ADCY8: variants seen among roughly 807,000 people sequenced by gnomAD.
The protein encoded by ADCY8 is adenylate cyclase type 8.
A neutral mutation model predicts 119.7 loss-of-function variants in ADCY8; 51 were observed. That is an observed-to-expected ratio of 0.43 (90% confidence interval 0.34 to 0.54). The LOEUF is 0.54. Among genes scored for constraint, ADCY8 ranks in the 20% least tolerant of loss-of-function variants. The probability of loss-of-function intolerance (pLI) is 0.03; values close to 1 mark genes in which losing one functional copy is unlikely to be tolerated. For missense variants in ADCY8, 1,383 were observed against 1,598.8 expected (o/e 0.87, Z 2.30); for synonymous variants, 665 against 651.0 (o/e 1.02, Z -0.33).
chr8:130,936,689 T>C (rs1820797948), intron 5 of ADCY8, among the ~76,000 whole-genome samples: 1 of 152,214 alleles, frequency 6.6e-6, no homozygotes, highest in Admixed American at 6.5e-5. Flanking sequence ...CCCAAGCACT[T>C]GGATTTGATT....
At chr8:130,784,826 C>T (rs1052336823) in intron 16 of ADCY8, among the ~76,000 whole-genome samples, 15 of 148,402 alleles carry the variant, frequency 1.0e-4, no homozygotes, top group African/African-American at 3.8e-4. Context: ...GATGAGAATT[C>T]CATTTCCCCA....
chr8:130,929,752 T>C (rs1209291053), intron 5 of ADCY8, among the ~76,000 whole-genome samples: 2 of 152,194 alleles, frequency 1.3e-5, no homozygotes, highest in Admixed American at 6.5e-5. Flanking sequence ...TCTACTATAG[T>C]TATAATATAG....
At chr8:130,847,139 A>G (rs902091270) in intron 11 of ADCY8, among the ~76,000 whole-genome samples, 9 of 151,996 alleles carry the variant, frequency 5.9e-5, no homozygotes, top group Non-Finnish European at 1.3e-4. Flanking sequence ...AGGAAAGGTG[A>G]AAAGGAAGAA....
At chr8:130,873,775 G>A (rs1339951312) in intron 8 of ADCY8, among the ~76,000 whole-genome samples, 1 of 152,098 alleles carries the variant, frequency 6.6e-6, no homozygotes, top group Non-Finnish European at 1.5e-5. Context: ...AATATTTCCA[G>A]TGTTGGGGGA....
At chr8:131,001,899 AAGAGT>A (rs1310103257) in intron 1 of ADCY8, among the ~76,000 whole-genome samples, 1 of 152,152 alleles carries the variant, frequency 6.6e-6, no homozygotes, top group Non-Finnish European at 1.5e-5. Flanking sequence ...CTGCAGGGAA[AAGAGT>A]AGAGGGGGTG....
chr8:130,904,933 G>A (rs956184245), intron 6 of ADCY8, among the ~76,000 whole-genome samples: 2 of 152,120 alleles, frequency 1.3e-5, no homozygotes, highest in Non-Finnish European at 2.9e-5. Flanking sequence ...GCAAGGTAAG[G>A]TGGTTACAAA....
chr8:130,808,325 A>G (rs1032355635), intron 14 of ADCY8, among the ~76,000 whole-genome samples: 6 of 152,124 alleles, frequency 3.9e-5, no homozygotes, highest in African/African-American at 1.4e-4. Flanking sequence ...GAATGAAGGG[A>G]TAGGGGATGG....
intron 1 of ADCY8, among the ~76,000 whole-genome samples, chr8:131,026,868 A>G (rs1014864929): frequency 1.3e-5 from 2 of 152,202 alleles, no homozygotes; most frequent in African/African-American, 2.4e-5. Flanking sequence ...GTATTATTTC[A>G]TCTCTTCAAC....
rs1357497721 is a variant in ADCY8 at position 130,989,141 on chromosome 8, A to G, written c.1110+1252T>C. On this transcript the variant is annotated intron_variant, in intron 2 of 17. Coordinates refer to ENST00000286355, the MANE Select transcript of ADCY8 (RefSeq NM_001115.3). ...ATTCCAAGGGCTATTCAGAGAAACTACTATGAGGTTCCAGAATTATTTTAG... is the reference window on the plus strand; with the variant it reads ...ATTCCAAGGGCTATTCAGAGAAACTGCTATGAGGTTCCAGAATTATTTTAG... Among the ~76,000 whole-genome samples, 7 of 152,358 alleles carry G rather than the reference A, an allele frequency of 4.6e-5. No individual in the cohort carries two copies. In the East Asian group the frequency reaches 9.6e-4, roughly 21 times the overall value.
chr8:130,826,394 A>G (rs1816668669), intron 12 of ADCY8, among the ~76,000 whole-genome samples: 1 of 152,186 alleles, frequency 6.6e-6, no homozygotes, highest in South Asian at 2.1e-4. Context: ...TAATAAACAA[A>G]TGGGGATCAA....
At chr8:130,914,848 A>T (rs1820080304) in intron 5 of ADCY8, among the ~76,000 whole-genome samples, 1 of 152,208 alleles carries the variant, frequency 6.6e-6, no homozygotes, top group South Asian at 2.1e-4. Flanking sequence ...CAGGGATGCC[A>T]CCTTCCATTC....
rs928288274 is a variant in ADCY8 at position 131,040,758 on chromosome 8, G to T, written c.-425C>A. On this transcript the variant is annotated 5_prime_UTR_variant, in exon 1 of 18. Coordinates refer to ENST00000286355, the MANE Select transcript of ADCY8 (RefSeq NM_001115.3). ...GGCGCCGTGCTTCTGCTGCGCGTCG[G>T]GCGGGTCCTGGCTGCTGCACTGGGC... 6.4e-6 allele frequency: 1 copy of T among 157,286 alleles called. No individual in the cohort carries two copies. Among genetic ancestry groups the T allele is most frequent in the Non-Finnish European group, 1.4e-5 (1 of 71,828 alleles). The allele number at this position is 157,286 out of a possible 1,614,324, so 9.7% of individuals were successfully genotyped here.
Position 130,915,317 on chromosome 8 carries a change from C to A in ADCY8, c.1482-5451G>T, listed in dbSNP as rs568241423. Among the ~76,000 whole-genome samples the A allele has an allele frequency of 1.3e-3, 191 of 152,156 alleles. 1 individual carries two copies. Among genetic ancestry groups the A allele is most frequent in the Middle Eastern group, 3.4e-3 (1 of 294 alleles). On this transcript the variant is annotated intron_variant, in intron 5 of 17. Transcript: ENST00000286355. The stretch of plus-strand genomic sequence containing the variant: ...TTCAACTTAAATGCTTCAAAGGGTT[C>A]TTTTTAGACAATTAATCCATAGGAG...
intron 2 of ADCY8, among the ~76,000 whole-genome samples, chr8:130,954,762 T>C (rs1821375671): frequency 6.6e-6 from 1 of 152,238 alleles, no homozygotes; most frequent in Non-Finnish European, 1.5e-5. Flanking sequence ...CAAATTCTCC[T>C]GATTCCCAAA....
At chr8:130,838,069 G>A (rs1328733311) in intron 11 of ADCY8, among the ~76,000 whole-genome samples, 3 of 152,172 alleles carry the variant, frequency 2.0e-5, no homozygotes, top group African/African-American at 7.2e-5. Context: ...CAGGGGTGTT[G>A]GGTAAGAATT....
chr8:130,972,883 T>G (rs747981184), intron 2 of ADCY8, among the ~76,000 whole-genome samples: 8 of 143,794 alleles, frequency 5.6e-5, no homozygotes, highest in Non-Finnish European at 8.8e-5. Context: ...GAGATAAGCA[T>G]CAGTTTTTTT....
At chr8:130,782,178 C>T (rs1028377959) in intron 17 of ADCY8, among the ~76,000 whole-genome samples, 3 of 151,244 alleles carry the variant, frequency 2.0e-5, no homozygotes, top group Admixed American at 6.6e-5. Flanking sequence ...TATTCTAGGC[C>T]GAGGCAAAAG....
At chr8:131,034,150 A>G (rs1824077794) in intron 1 of ADCY8, among the ~76,000 whole-genome samples, 1 of 152,074 alleles carries the variant, frequency 6.6e-6, no homozygotes, top group Admixed American at 6.6e-5. Flanking sequence ...CCAACTACCA[A>G]ATTGGAATGA....
chr8:130,900,121 T>C (rs1819546050), intron 7 of ADCY8, among the ~76,000 whole-genome samples: 1 of 152,170 alleles, frequency 6.6e-6, no homozygotes, highest in Admixed American at 6.5e-5. Context: ...AGGCAGAACA[T>C]CTGCACTTGT....
Sources: gnomAD v4.1 joint callset for allele counts (sites outside exome capture counted in the v4.1 genomes callset) on GRCh38, gnomAD v4.1.1 for gene constraint, MANE v1.5 for transcripts, NCBI Gene and HGNC (gene_info 2026-07-23, HGNC 2026-07-21) for gene names.